Variants in FBXL7 observed in about 807,000 individuals in gnomAD.
FBXL7 encodes the protein F-box/LRR-repeat protein 7.
In FBXL7, 12 loss-of-function variants were observed where a neutral mutation model predicts 38.3. The observed-to-expected ratio is 0.31, with a 90% CI of 0.20 to 0.51. The LOEUF (loss-of-function observed/expected upper bound fraction) is 0.51, where lower values mean the gene tolerates loss of function less well. Ranked by LOEUF, FBXL7 falls within the 20% of genes least tolerant of loss-of-function variation. The pLI, the probability that FBXL7 is intolerant of heterozygous loss-of-function variation, is 0.98. For missense variants in FBXL7, 567 were observed against 676.4 expected, an observed-to-expected ratio of 0.84 and a Z score of 1.79; for synonymous variants, 297 against 300.9, an observed-to-expected ratio of 0.99 and a Z score of 0.13.
At chr5:15,738,725 G>A (rs368317588) in intron 2 of FBXL7, among the ~76,000 whole-genome samples, 7 of 152,342 alleles carry the variant, frequency 4.6e-5, no homozygotes, top group Admixed American at 3.9e-4. Context: ...GCTAGAAAAG[G>A]AGACCTTATG....
chr5:15,889,302 A>G (rs1740807348), intron 2 of FBXL7, among the ~76,000 whole-genome samples: 1 of 152,166 alleles, frequency 6.6e-6, no homozygotes, highest in African/African-American at 2.4e-5. Flanking sequence ...TACACCCCCA[A>G]ACATCCCTAC....
chr5:15,873,187 A>G (rs572736347), intron 2 of FBXL7, among the ~76,000 whole-genome samples: 87 of 151,158 alleles, frequency 5.8e-4, no homozygotes, highest in African/African-American at 2.1e-3. Flanking sequence ...GACTTAAGGC[A>G]AAAATGAATA....
chr5:15,714,821 C>T (rs1743988879), intron 2 of FBXL7, among the ~76,000 whole-genome samples: 1 of 146,374 alleles, frequency 6.8e-6, no homozygotes, highest in East Asian at 2.0e-4. Flanking sequence ...TGCACTCCAG[C>T]CTGGGCAACA....
intron 1 of FBXL7, among the ~76,000 whole-genome samples, chr5:15,549,856 T>C (rs1738013683): frequency 6.6e-6 from 1 of 152,126 alleles, no homozygotes. Context: ...GAGAACCTTT[T>C]GAAACTAGAA....
intron 2 of FBXL7, among the ~76,000 whole-genome samples, chr5:15,736,607 C>T (rs758318618): frequency 2.0e-5 from 3 of 152,286 alleles, no homozygotes; most frequent in Middle Eastern, 6.8e-3. Context: ...GTTGTTGCTA[C>T]TTCATCTTTG....
intron 2 of FBXL7, among the ~76,000 whole-genome samples, chr5:15,661,579 T>C (rs1219815699): frequency 6.6e-6 from 1 of 152,184 alleles, no homozygotes; most frequent in Non-Finnish European, 1.5e-5. Flanking sequence ...AAGTTTGAAG[T>C]TACATGTGAA....
intron 2 of FBXL7, among the ~76,000 whole-genome samples, chr5:15,758,823 AAAT>A (rs550896413): frequency 2.0e-5 from 3 of 152,188 alleles, no homozygotes; most frequent in Non-Finnish European, 2.9e-5. Flanking sequence ...CTATTAAGAA[AAAT>A]AATAATAAAA....
chr5:15,510,029 G>C (rs1448928051), intron 1 of FBXL7, among the ~76,000 whole-genome samples: 1 of 152,206 alleles, frequency 6.6e-6, no homozygotes, highest in African/African-American at 2.4e-5. Context: ...AGTTGAAAAA[G>C]TGTAGACTGT....
intron 2 of FBXL7, among the ~76,000 whole-genome samples, chr5:15,741,509 A>T (rs966245177): frequency 7.2e-5 from 11 of 152,108 alleles, no homozygotes; most frequent in Non-Finnish European, 1.2e-4. Flanking sequence ...CCATTCTTTG[A>T]CCTTCTCTAC....
intron 2 of FBXL7, among the ~76,000 whole-genome samples, chr5:15,843,114 T>C (rs773261022): frequency 1.3e-5 from 2 of 152,214 alleles, no homozygotes; most frequent in Non-Finnish European, 2.9e-5. Context: ...AATTTCTATC[T>C]CTCTTGTTTA....
At chr5:15,849,562 G>T (rs2126792476) in intron 2 of FBXL7, among the ~76,000 whole-genome samples, 1 of 152,298 alleles carries the variant, frequency 6.6e-6, no homozygotes, top group Non-Finnish European at 1.5e-5. Flanking sequence ...GTTCACTCTT[G>T]TCTGCCACCA....
intron 3 of FBXL7, among the ~76,000 whole-genome samples, chr5:15,931,526 G>A (rs1742035765): frequency 6.6e-6 from 1 of 151,960 alleles, no homozygotes; most frequent in Non-Finnish European, 1.5e-5. Context: ...CCATCTCCAT[G>A]GCCTCCAGAG....
chr5:15,866,333 G>A (rs781126264), intron 2 of FBXL7, among the ~76,000 whole-genome samples: 1 of 152,164 alleles, frequency 6.6e-6, no homozygotes, highest in Non-Finnish European at 1.5e-5. Flanking sequence ...GCTAGAATTA[G>A]TTAAGTCACT....
chr5:15,715,215 A>C (rs1744006316), intron 2 of FBXL7, among the ~76,000 whole-genome samples: 2 of 152,068 alleles, frequency 1.3e-5, no homozygotes, highest in Non-Finnish European at 2.9e-5. Context: ...AGACCAGGAC[A>C]GGCATGGTGG....
intron 2 of FBXL7, among the ~76,000 whole-genome samples, chr5:15,811,826 G>A (rs767743630): frequency 9.9e-5 from 15 of 152,140 alleles, no homozygotes; most frequent in Non-Finnish European, 1.9e-4. Context: ...TTATTAAAAA[G>A]TCAGGAAACA....
chr5:15,870,815 G>A (rs923470084), intron 2 of FBXL7, among the ~76,000 whole-genome samples: 9 of 152,136 alleles, frequency 5.9e-5, no homozygotes, highest in African/African-American at 1.9e-4. Context: ...CCCCACTCAG[G>A]GGCTTATAGA....
At chr5:15,727,563 T>C (rs1050894365) in intron 2 of FBXL7, among the ~76,000 whole-genome samples, 7 of 152,262 alleles carry the variant, frequency 4.6e-5, no homozygotes, top group African/African-American at 1.7e-4. Flanking sequence ...TCCTCTAAAG[T>C]TTCTGATGAG....
At position 15,702,223 on chromosome 5, in the gene FBXL7, C is replaced by T. The variant is rs114581796; in HGVS notation, c.127+86151C>T. 1.8e-3 allele frequency among the ~76,000 whole-genome samples: 230 copies of T among 130,344 alleles called. 1 individual carries two copies. Among genetic ancestry groups the T allele is most frequent in the African/African-American group, 6.6e-3 (224 of 33,772 alleles). The allele number at this position is 130,344 out of a possible 152,430, so 85.5% of individuals were successfully genotyped here. On this transcript the variant is annotated intron_variant, in intron 2 of 3. Transcript: ENST00000504595. Reference sequence around the variant, plus strand: ...ACTGCATTCCAGCCTGGAAACAAAGCGAGACTCCTCTCAAAAAAAAAAAAA... The same window carrying T: ...ACTGCATTCCAGCCTGGAAACAAAGTGAGACTCCTCTCAAAAAAAAAAAAA...
intron 2 of FBXL7, among the ~76,000 whole-genome samples, chr5:15,773,003 T>A (rs2126712590): frequency 6.6e-6 from 1 of 152,146 alleles, no homozygotes; most frequent in East Asian, 1.9e-4. Flanking sequence ...CAAGCGATCC[T>A]CCCTCCTGAG....
Sources: allele counts gnomAD v4.1 joint callset (sites outside exome capture counted in the v4.1 genomes callset), GRCh38; gene constraint gnomAD v4.1.1; transcripts MANE v1.5; gene names NCBI Gene and HGNC (gene_info 2026-07-23, HGNC 2026-07-21).